CHST8: variants seen among roughly 807,000 people sequenced by gnomAD.
CHST8 encodes carbohydrate sulfotransferase 8, also known as GALNAC-4-ST1.
In CHST8, 10 loss-of-function variants were observed where a neutral mutation model predicts 15.0. That is an observed-to-expected ratio of 0.67 (90% confidence interval 0.41 to 1.13). The LOEUF (loss-of-function observed/expected upper bound fraction) is 1.13. CHST8 is among the 50% of genes most tolerant of loss of function. The pLI, the probability that CHST8 is intolerant of heterozygous loss-of-function variation, is 0.00. For synonymous variants in CHST8, 259 were observed against 256.6 expected, an observed-to-expected ratio of 1.01 and a Z score of -0.09; for missense variants, 634 against 608.2, an observed-to-expected ratio of 1.04 and a Z score of -0.45.
chr19:33,662,103 C>T (rs908080408), intron 1 of CHST8, among the ~76,000 whole-genome samples: 5 of 151,838 alleles, frequency 3.3e-5, no homozygotes, highest in South Asian at 4.2e-4. Flanking sequence ...ATTTTTGAGA[C>T]GGAGTCTCAC....
chr19:33,772,957 A>G lies in CHST8; in HGVS notation c.1169A>G (p.Gln390Arg). The G allele has an allele frequency of 6.2e-7, 1 of 1,613,614 alleles. No homozygotes were observed. Among genetic ancestry groups the G allele is most frequent in the Admixed American group, 1.7e-5 (1 of 60,032 alleles). Residue 390 changes from glutamine to arginine, a missense_variant, in exon 5 of 5, where the codon CAG becomes CGG. Transcript: ENST00000650847. Reference sequence around the variant, plus strand: ...CGGACCACAGCGAGGATCGCCCACCAGTACTTCGCCCAACTCTCGGCCCTG... The same window carrying G: ...CGGACCACAGCGAGGATCGCCCACCGGTACTTCGCCCAACTCTCGGCCCTG... ...EARTTARIAH[Q>R]YFAQLSALQR...
At position 33,771,484 on chromosome 19, in the gene CHST8, C is replaced by T. The variant is rs3810362; in HGVS notation, c.168+34C>T. The T allele has an allele frequency of 6.8e-6, 11 of 1,609,560 alleles. No homozygotes were observed. In the East Asian group the frequency reaches 1.8e-4, roughly 26 times the overall value. On this transcript the variant is annotated intron_variant, in intron 4 of 4. Coordinates refer to ENST00000650847, the MANE Select transcript of CHST8 (RefSeq NM_001127895.2). ...TGAGAGTCAGATAAATCTCAGTGCA[C>T]ACAGCCCTTGGGAAACTGGGGAGGG...
intron 1 of CHST8, among the ~76,000 whole-genome samples, chr19:33,661,766 C>T (rs1011183132): frequency 2.0e-5 from 3 of 151,428 alleles, no homozygotes; most frequent in Non-Finnish European, 4.4e-5. Flanking sequence ...CACGATGGCT[C>T]ATGCCTTTAA....
intron 3 of CHST8, among the ~76,000 whole-genome samples, chr19:33,710,985 C>A (rs1973538201): frequency 6.6e-6 from 1 of 151,910 alleles, no homozygotes. Context: ...GCGATCCTCC[C>A]TCAGCCCCCC....
At chr19:33,699,023 A>C (rs2145274096) in intron 3 of CHST8, among the ~76,000 whole-genome samples, 1 of 152,278 alleles carries the variant, frequency 6.6e-6, no homozygotes, top group East Asian at 1.9e-4. Flanking sequence ...CCAGGAAACC[A>C]GTATCCTGGA....
At chr19:33,771,579 G>A (rs1032072270) in intron 4 of CHST8, 129 bp downstream of exon 4, 11 of 947,900 alleles carry the variant, frequency 1.2e-5, no homozygotes, top group South Asian at 7.0e-5. Context: ...CCTTTCCCAG[G>A]AGCCTTGGGA....
At chr19:33,760,269 TCC>T (rs1974692657) in intron 3 of CHST8, among the ~76,000 whole-genome samples, 2 of 14,858 alleles carry the variant, frequency 1.3e-4, no homozygotes, top group Non-Finnish European at 2.7e-4. Flanking sequence ...TGGTTGCCCT[TCC>T]TTCCTTCCCT....
chr19:33,727,360 G>A (rs1488397159), intron 3 of CHST8, among the ~76,000 whole-genome samples: 1 of 152,128 alleles, frequency 6.6e-6, no homozygotes, highest in African/African-American at 2.4e-5. Flanking sequence ...TGCCCAAGGA[G>A]TCGCCGTATG....
At chr19:33,661,442 G>C (rs1478984038) in intron 1 of CHST8, among the ~76,000 whole-genome samples, 2 of 152,226 alleles carry the variant, frequency 1.3e-5, no homozygotes, top group Non-Finnish European at 2.9e-5. Flanking sequence ...CTGGTCCCTT[G>C]TGGAGGTCAC....
intron 3 of CHST8, among the ~76,000 whole-genome samples, chr19:33,702,499 G>T (rs1302766657): frequency 1.3e-5 from 2 of 152,236 alleles, no homozygotes; most frequent in African/African-American, 4.8e-5. Flanking sequence ...TCTTCCATTG[G>T]TTGAATTAAT....
chr19:33,663,774 G>T (rs1972615826), intron 1 of CHST8, among the ~76,000 whole-genome samples: 1 of 152,120 alleles, frequency 6.6e-6, no homozygotes, highest in Non-Finnish European at 1.5e-5. Flanking sequence ...GGAGGCTGAG[G>T]TAGGAGAATC....
At chr19:33,727,779 C>G (rs888312901) in intron 3 of CHST8, among the ~76,000 whole-genome samples, 1 of 152,358 alleles carries the variant, frequency 6.6e-6, no homozygotes, top group East Asian at 1.9e-4. Flanking sequence ...AGGCTCCTGC[C>G]GTAGCGGGCT....
chr19:33,639,457 A>G (rs1010294605), intron 1 of CHST8, among the ~76,000 whole-genome samples: 3 of 152,206 alleles, frequency 2.0e-5, no homozygotes, highest in African/African-American at 7.2e-5. Flanking sequence ...TGTAACCATA[A>G]CAGGTCCATT....
Position 33,765,555 on chromosome 19 carries a change from C to CAGAG in CHST8, c.131-5832_131-5829dup, listed in dbSNP as rs3073708. ...TGTGTGTGTGTGTGTGTGTGTGTGT[C>CAGAG]AGAGAGAGAGAGAGAGAGAGAGAGA... On this transcript the variant is annotated intron_variant, in intron 3 of 4. Coordinates refer to ENST00000650847, the MANE Select transcript of CHST8 (RefSeq NM_001127895.2). 1.5e-3 allele frequency among the ~76,000 whole-genome samples: 195 copies of CAGAG among 125,900 alleles called. 5 individuals are homozygous for CAGAG. The highest frequency in any genetic ancestry group is 3.2e-3 in the Admixed American group (41 of 12,650). The allele number at this position is 125,900 out of a possible 152,430, so 82.6% of individuals were successfully genotyped here.
intron 1 of CHST8, among the ~76,000 whole-genome samples, chr19:33,624,372 G>A (rs1197485573): frequency 2.0e-5 from 3 of 152,182 alleles, no homozygotes; most frequent in Admixed American, 1.3e-4. Context: ...GACTGTAACC[G>A]ACGACAGAGG....
In CHST8 at chr19:33,772,562, C is replaced by T; in HGVS notation, c.774C>T (p.Arg258=). ...CCTACACCAAGATGCTCTTTGTCCG[C>T]GAGCCCTTCGAGAGGCTGGTGTCCG... The part of the protein sequence containing the change: ...LSTYTKMLFV[R]EPFERLVSAF... Residue 258 remains arginine (R), a synonymous_variant, in exon 5 of 5, where the codon CGC becomes CGT. Coordinates refer to ENST00000650847, the MANE Select transcript of CHST8 (RefSeq NM_001127895.2). 1 of 1,614,060 alleles carries T rather than the reference C, an allele frequency of 6.2e-7. No homozygotes were observed. The highest frequency in any genetic ancestry group is 1.3e-5 in the African/African-American group (1 of 75,068).
At chr19:33,750,539 A>T (rs955406899) in intron 3 of CHST8, among the ~76,000 whole-genome samples, 1 of 150,460 alleles carries the variant, frequency 6.6e-6, no homozygotes, top group Non-Finnish European at 1.5e-5. Context: ...GGGATAAGCC[A>T]TCCCTGAAGG....
chr19:33,770,539 A>G (rs1974956370), intron 3 of CHST8, among the ~76,000 whole-genome samples: 1 of 152,208 alleles, frequency 6.6e-6, no homozygotes. Flanking sequence ...CTTTCCCCCA[A>G]AGCAGACCAA....
chr19:33,748,939 T>C (rs199723818), intron 3 of CHST8, among the ~76,000 whole-genome samples: 3 of 151,964 alleles, frequency 2.0e-5, no homozygotes, highest in East Asian at 3.9e-4. Flanking sequence ...GAGGAGAGCC[T>C]CAAGGAGTGA....
Sources: allele counts gnomAD v4.1 joint callset (sites outside exome capture counted in the v4.1 genomes callset), GRCh38; gene constraint gnomAD v4.1.1; transcripts MANE v1.5; gene names NCBI Gene and HGNC (gene_info 2026-07-23, HGNC 2026-07-21).